The following GRK5 variants were observed in gnomAD, a reference collection of about 807,000 sequenced individuals.
GRK5 encodes G protein-coupled receptor kinase 5.
Under a neutral mutation model 78.4 loss-of-function variants are expected in GRK5, and 40 were observed. That is an observed-to-expected ratio of 0.51 (90% CI 0.40 to 0.66). GRK5 has a LOEUF of 0.66. Among genes scored for constraint, GRK5 ranks in the 30% least tolerant of loss-of-function variants. The pLI is 0.00. For synonymous variants in GRK5, 289 were observed against 296.8 expected (o/e 0.97, Z 0.27); for missense variants, 598 against 759.9 (o/e 0.79, Z 2.50).
At chr10:119,291,180 A>G (rs1849947793) in intron 1 of GRK5, among the ~76,000 whole-genome samples, 1 of 152,094 alleles carries the variant, frequency 6.6e-6, no homozygotes, top group African/African-American at 2.4e-5. Flanking sequence ...ATTTTTCTCC[A>G]TGATCTTCAT....
chr10:119,286,117 G>A (rs1849843328), intron 1 of GRK5, among the ~76,000 whole-genome samples: 1 of 148,664 alleles, frequency 6.7e-6, no homozygotes, highest in African/African-American at 2.5e-5. Context: ...GTAGCCTTTA[G>A]GTGTCATGTT....
chr10:119,367,968 G>C (rs1564907500), intron 2 of GRK5, among the ~76,000 whole-genome samples: 1 of 152,250 alleles, frequency 6.6e-6, no homozygotes, highest in Non-Finnish European at 1.5e-5. Flanking sequence ...GCCTCGGCAG[G>C]GCCAGGGCAG....
chr10:119,375,114 TTCTG>T (rs1286066244), intron 2 of GRK5, among the ~76,000 whole-genome samples: 1 of 152,176 alleles, frequency 6.6e-6, no homozygotes, highest in African/African-American at 2.4e-5. Context: ...ACCTACCACT[TTCTG>T]TCTGTTTTCT....
chr10:119,338,853 C>A (rs1850937096), intron 2 of GRK5, among the ~76,000 whole-genome samples: 1 of 152,188 alleles, frequency 6.6e-6, no homozygotes, highest in Admixed American at 6.5e-5. Flanking sequence ...TTGTAAAGTT[C>A]TCATAACTAT....
At position 119,267,033 on chromosome 10, in the gene GRK5, C is replaced by T. The variant is rs780822718; in HGVS notation, c.52+59064C>T. ...CCGAGGTGCGCGGATCACCTGAGGT[C>T]GGGAGTTCTAACCAGCCTGACCAAC... On this transcript the variant is annotated intron_variant, in intron 1 of 15. Transcript: ENST00000392870. The surrounding 1 kb of genome is among the most constrained non-coding windows in gnomAD (Gnocchi z 4.1). Among the ~76,000 whole-genome samples, 4 of 151,946 alleles carry T rather than the reference C, an allele frequency of 2.6e-5. No homozygotes were observed. The highest frequency in any genetic ancestry group is 9.7e-5 in the African/African-American group (4 of 41,364).
At chr10:119,449,082 G>A (rs1254258317) in intron 13 of GRK5, among the ~76,000 whole-genome samples, 1 of 152,212 alleles carries the variant, frequency 6.6e-6, no homozygotes, top group Non-Finnish European at 1.5e-5. Flanking sequence ...GGAGGCCGTG[G>A]GAGCAGCAGT....
At chr10:119,304,825 C>T (rs1054357577) in intron 1 of GRK5, among the ~76,000 whole-genome samples, 12 of 152,246 alleles carry the variant, frequency 7.9e-5, no homozygotes, top group Admixed American at 2.6e-4. Context: ...CACGCAGATG[C>T]GGACCAGCAG....
At chr10:119,242,703 C>G (rs747007689) in intron 1 of GRK5, among the ~76,000 whole-genome samples, 13 of 151,918 alleles carry the variant, frequency 8.6e-5, no homozygotes, top group Non-Finnish European at 1.6e-4. Flanking sequence ...TGTGAACTAT[C>G]TTGTGATAGT....
At chr10:119,338,661 G>A (rs1245715936) in intron 2 of GRK5, among the ~76,000 whole-genome samples, 2 of 152,170 alleles carry the variant, frequency 1.3e-5, no homozygotes, top group African/African-American at 4.8e-5. Context: ...TCCTGCAGGT[G>A]AAATGACATA....
chr10:119,444,643 G>A (rs1662802907), intron 12 of GRK5, among the ~76,000 whole-genome samples: 1 of 152,154 alleles, frequency 6.6e-6, no homozygotes, highest in African/African-American at 2.4e-5. Context: ...ATAGGGACAG[G>A]AGGGGCCGGA....
chr10:119,417,696 C>T (rs374108362), intron 4 of GRK5, among the ~76,000 whole-genome samples: 11 of 152,076 alleles, frequency 7.2e-5, no homozygotes, highest in African/African-American at 2.2e-4. Flanking sequence ...GCGACCTACG[C>T]GGCATGATAC....
Position 119,326,707 on chromosome 10 carries a change from G to C in GRK5, c.148+96G>C, listed in dbSNP as rs1040018952. 7.8e-6 allele frequency: 7 copies of C among 892,210 alleles called. No individual in the cohort carries two copies. In the African/African-American group the frequency reaches 1.1e-4, roughly 15 times the overall value. 55.3% of individuals were successfully genotyped at this position (892,210 alleles called of 1,614,324 possible). On this transcript the variant is annotated intron_variant, in intron 2 of 15. Coordinates refer to ENST00000392870, the MANE Select transcript of GRK5 (RefSeq NM_005308.3). ...AGGCAAATGGGTGAGCCGCCAAGCTGTCTGTGCAGTGAGGCAAATGCCAAT... is the reference window on the plus strand; with the variant it reads ...AGGCAAATGGGTGAGCCGCCAAGCTCTCTGTGCAGTGAGGCAAATGCCAAT...
Position 119,336,067 on chromosome 10 carries a change from G to A in GRK5, c.148+9456G>A, listed in dbSNP as rs990221152. ...TTTGAGAGGGTTTTGGAGTTTCCCA[G>A]AGAAGCTGAATCGGCTACACATGAT... is the stretch of plus-strand genomic sequence containing the variant. On this transcript the variant is annotated intron_variant, in intron 2 of 15. Coordinates refer to ENST00000392870, the MANE Select transcript of GRK5 (RefSeq NM_005308.3). This position sits in a 1 kb window ranked among gnomAD's most constrained non-coding sequence, Gnocchi z 4.5. 6.6e-6 allele frequency: 1 copy of A among 152,366 alleles called. No individual in the cohort carries two copies. Among genetic ancestry groups the A allele is most frequent in the African/African-American group, 2.4e-5 (1 of 41,464 alleles). The allele number at this position is 152,366 out of a possible 1,614,324, so 9.4% of individuals were successfully genotyped here.
At chr10:119,396,794 A>T in intron 4 of GRK5, 22 bp downstream of exon 4, 1 of 1,589,382 alleles carries the variant, frequency 6.3e-7, no homozygotes, top group South Asian at 1.1e-5. Flanking sequence ...TCCAAACCCC[A>T]CAGCAGGTGG....
At chr10:119,411,346 G>A (rs1004397656) in intron 4 of GRK5, among the ~76,000 whole-genome samples, 3 of 152,094 alleles carry the variant, frequency 2.0e-5, no homozygotes, top group African/African-American at 7.2e-5. Context: ...TTTCTCCTCC[G>A]CCAGACACAC....
At chr10:119,223,342 G>A (rs1218658270) in intron 1 of GRK5, among the ~76,000 whole-genome samples, 1 of 152,192 alleles carries the variant, frequency 6.6e-6, no homozygotes, top group Non-Finnish European at 1.5e-5. Context: ...GAGGTACCGG[G>A]GGTTAGGACT....
At chr10:119,371,223 G>A (rs987425580) in intron 2 of GRK5, among the ~76,000 whole-genome samples, 5 of 152,108 alleles carry the variant, frequency 3.3e-5, no homozygotes, top group African/African-American at 4.8e-5. Context: ...CCCGCTCCCC[G>A]TCCCCAGGGA....
At chr10:119,395,182 C>T (rs762566654) in intron 3 of GRK5, among the ~76,000 whole-genome samples, 1 of 152,206 alleles carries the variant, frequency 6.6e-6, no homozygotes, top group Non-Finnish European at 1.5e-5. Flanking sequence ...CCTTACAGAA[C>T]CACTGCCCTA....
At chr10:119,263,153 G>A (rs374518060) in intron 1 of GRK5, among the ~76,000 whole-genome samples, 221 of 152,046 alleles carry the variant, frequency 1.5e-3, no homozygotes, top group African/African-American at 4.6e-3. Context: ...GATTACAGGC[G>A]CGCACACCAC....
Sources: allele counts gnomAD v4.1 joint callset (sites outside exome capture counted in the v4.1 genomes callset), GRCh38; gene constraint gnomAD v4.1.1; non-coding constraint Gnocchi (gnomAD v3.1); transcripts MANE v1.5; gene names NCBI Gene and HGNC (gene_info 2026-07-23, HGNC 2026-07-21).